Variants in HLA-DRB5 observed in about 807,000 individuals in gnomAD.
HLA-DRB5 encodes the protein major histocompatibility complex, class II, DR beta 5, also known as DR beta-5.
Under a neutral mutation model 22.4 loss-of-function variants are expected in HLA-DRB5, and 11 were observed. The observed-to-expected ratio is 0.49, with a 90% CI of 0.31 to 0.81. The LOEUF is 0.81. Among genes scored for constraint, HLA-DRB5 ranks in the 40% least tolerant of loss-of-function variants. HLA-DRB5 has a pLI of 0.05. For synonymous variants in HLA-DRB5, 57 were observed against 106.0 expected, an observed-to-expected ratio of 0.54 and a Z score of 2.84; for missense variants, 106 against 274.4, an observed-to-expected ratio of 0.39 and a Z score of 4.34.
rs192955957 is a variant in HLA-DRB5 at position 32,519,188 on chromosome 6, C to G, written c.652+182G>C. Among the ~76,000 whole-genome samples the G allele has an allele frequency of 3.7e-4, 23 of 62,454 alleles. 2 individuals carry two copies. In the Admixed American group the frequency reaches 3.7e-3, roughly 10 times the overall value. 41.0% of individuals were successfully genotyped at this position (62,454 alleles called of 152,430 possible). ...CCTTCCTGCCAGGAATGACTGCTTC[C>G]CCAGAGGATACAGGTGTTTCTAGAA... On this transcript the variant is annotated intron_variant, in intron 3 of 5. Coordinates refer to ENST00000374975, the MANE Select transcript of HLA-DRB5 (RefSeq NM_002125.4).
chr6:32,526,056 C>A (rs1194555383), intron 1 of HLA-DRB5, among the ~76,000 whole-genome samples: 3,714 of 102,322 alleles, frequency 0.036, 9 homozygotes, highest in East Asian at 0.05. Flanking sequence ...TTTGATCCAG[C>A]TGGCTCCCTG....
intron 2 of HLA-DRB5, 122 bp from the exon 3 acceptor site, chr6:32,519,773 GGCCAT>G: frequency 2.4e-6 from 1 of 408,334 alleles, no homozygotes; most frequent in Non-Finnish European, 4.0e-6. Flanking sequence ...CAGCACAGCT[GGCCAT>G]GAGGCCTCAC....
chr6:32,519,863 T>C (rs77154604), intron 2 of HLA-DRB5, among the ~76,000 whole-genome samples: 25,153 of 71,618 alleles, frequency 0.35, 4,792 homozygotes, highest in Middle Eastern at 0.49. Context: ...ATTGTGTTTG[T>C]TTCTTCATCA....
At chr6:32,520,425 C>G (rs111483373) in intron 2 of HLA-DRB5, among the ~76,000 whole-genome samples, 8,951 of 51,806 alleles carry the variant, frequency 0.17, 993 homozygotes, top group Admixed American at 0.3. Context: ...AAGTTCCCAG[C>G]AAAGCATGAG....
rs1205317365 is a variant in HLA-DRB5 at position 32,522,027 on chromosome 6, C to A, written c.248G>T (p.Gly83Val). 1 of 1,564,704 alleles carries A rather than the reference C, an allele frequency of 6.4e-7. No individual in the cohort carries two copies. Among genetic ancestry groups the A allele is most frequent in the South Asian group, 1.1e-5 (1 of 89,130 alleles). Residue 83 changes from glycine (G) to valine (V), a missense_variant, in exon 2 of 6, where the codon GGG (glycine) becomes GTG (valine). Physicochemically the swap from Gly to Val is moderately radical, Grantham distance 109. Coordinates refer to ENST00000374975, the MANE Select transcript of HLA-DRB5 (RefSeq NM_002125.4). ...VGEYRAVTEL[G>V]RPDAEYWNSQ... is the part of the protein sequence containing the mutation. ...GTTCCAGTACTCAGCGTCAGGCCGC[C>A]CCAGCTCCGTCACCGCCCGGTACTC...
chr6:32,527,915 TA>T lies in HLA-DRB5; in HGVS notation c.100+2209del. On this transcript the variant is annotated intron_variant, in intron 1 of 5. Coordinates refer to ENST00000374975, the MANE Select transcript of HLA-DRB5 (RefSeq NM_002125.4). ...AAGATAAATAAATAAATTAATAAAA[TA>T]AAATAAAATTCAAGTTTCTTACCAT... Among the ~76,000 whole-genome samples, 2 of 39,324 alleles carry T rather than the reference TA, an allele frequency of 5.1e-5. 1 individual carries two copies. The highest frequency in any genetic ancestry group is 1.3e-3 in the East Asian group (2 of 1,504). The allele number at this position is 39,324 out of a possible 152,430, so 25.8% of individuals were successfully genotyped here.
intron 2 of HLA-DRB5, among the ~76,000 whole-genome samples, chr6:32,520,554 T>C (rs142645649): frequency 0.19 from 12,043 of 64,406 alleles, 20 homozygotes; most frequent in Admixed American, 0.28. Flanking sequence ...TATACTATCA[T>C]TGTAAAATAA....
chr6:32,522,756 A>C (rs1769104728), intron 1 of HLA-DRB5, among the ~76,000 whole-genome samples: 1 of 53,796 alleles, frequency 1.9e-5, no homozygotes, highest in South Asian at 4.9e-4. Flanking sequence ...TGAAGTGTGG[A>C]GTTCCAGAAC....
chr6:32,521,212 T>C (rs866909414), intron 2 of HLA-DRB5, among the ~76,000 whole-genome samples: 2,094 of 42,798 alleles, frequency 0.049, no homozygotes, highest in Middle Eastern at 0.1. Context: ...TATAATAAAA[T>C]AGTAACAGTG....
At chr6:32,519,109 G>GAT (rs1768479130) in intron 3 of HLA-DRB5, among the ~76,000 whole-genome samples, 1 of 89,806 alleles carries the variant, frequency 1.1e-5, no homozygotes, top group African/African-American at 4.6e-5. Context: ...CCTGGGAGAG[G>GAT]GGGTGACCCT....
At chr6:32,521,801 C>CCT (rs374866057) in intron 2 of HLA-DRB5, 104 bp downstream of exon 2, 3,930 of 173,386 alleles carry the variant, frequency 0.023, 82 homozygotes, top group South Asian at 0.22. Flanking sequence ...TCTCTCTCTT[C>CCT]CTCTCTCTCT....
intron 4 of HLA-DRB5, among the ~76,000 whole-genome samples, 159 bp from the exon 5 acceptor site, chr6:32,518,236 A>C (rs1046828573): frequency 0.013 from 697 of 54,264 alleles, no homozygotes; most frequent in Non-Finnish European, 0.016. Context: ...CATGTGACCC[A>C]TGAAGCATGA....
At chr6:32,526,831 T>C (rs113464648) in intron 1 of HLA-DRB5, among the ~76,000 whole-genome samples, 2,851 of 30,774 alleles carry the variant, frequency 0.093, 1,100 homozygotes, top group Middle Eastern at 0.16. Flanking sequence ...CCATGAGTCT[T>C]TTAAATGCCA....
rs374744112 is a variant in HLA-DRB5 at position 32,525,373 on chromosome 6, T to C, written c.101-3199A>G. Among the ~76,000 whole-genome samples the C allele has an allele frequency of 5.2e-3, 191 of 36,748 alleles. 2 individuals are homozygous for C. The highest frequency in any genetic ancestry group is 0.011 in the Admixed American group (30 of 2,802). 24.1% of individuals were successfully genotyped at this position (36,748 alleles called of 152,430 possible). ...TCACATAATAAACACTCAAATGTAT[T>C]CCCATTTTAATTTTTTGATCCCTAT... On this transcript the variant is annotated intron_variant, in intron 1 of 5. Transcript: ENST00000374975.
At chr6:32,520,116 C>A (rs143330132) in intron 2 of HLA-DRB5, among the ~76,000 whole-genome samples, 3,953 of 38,432 alleles carry the variant, frequency 0.1, 1,316 homozygotes, top group East Asian at 0.15. Flanking sequence ...ATATATAAAA[C>A]AATGACTGAA....
Position 32,522,132 on chromosome 6 carries a change from T to C in HLA-DRB5, c.143A>G (p.Asn48Ser). 9.9e-7 allele frequency: 1 copy of C among 1,005,598 alleles called. No homozygotes were observed. 62.3% of individuals were successfully genotyped at this position (1,005,598 alleles called of 1,614,324 possible). The part of the protein sequence containing the change: ...QQDKYECHFF[N>S]GTERVRFLHR... ...CAGGAACCGCACCCGCTCCGTCCCG[T>C]TGAAGAAATGACACTCATACTTATC... Residue 48 changes from asparagine to serine, a missense_variant, in exon 2 of 6, where the codon AAC becomes AGC. By Grantham distance (46) the Asn-to-Ser change is conservative. Transcript: ENST00000374975.
chr6:32,522,617 C>T (rs541505856), intron 1 of HLA-DRB5, among the ~76,000 whole-genome samples: 1,214 of 31,414 alleles, frequency 0.039, 170 homozygotes, highest in Middle Eastern at 0.053. Flanking sequence ...TTGTGCCAGG[C>T]TTGCACTGCC....
At chr6:32,523,610 G>A (rs72508444) in intron 1 of HLA-DRB5, among the ~76,000 whole-genome samples, 31,211 of 51,916 alleles carry the variant, frequency 0.6, 12,227 homozygotes, top group Middle Eastern at 0.83. Context: ...GTTAATAGAG[G>A]TAGTGCTGAC....
intron 2 of HLA-DRB5, among the ~76,000 whole-genome samples, chr6:32,521,193 T>A: frequency 1.5e-5 from 1 of 66,348 alleles, no homozygotes; most frequent in African/African-American, 6.0e-5. Flanking sequence ...AGTAGAAAAC[T>A]ATTAGCATTA....
Sources: allele counts gnomAD v4.1 joint callset (sites outside exome capture counted in the v4.1 genomes callset), GRCh38; gene constraint gnomAD v4.1.1; transcripts MANE v1.5; gene names NCBI Gene and HGNC (gene_info 2026-07-23, HGNC 2026-07-21).